The following PCDH11X variants were observed in gnomAD, a reference collection of about 807,000 sequenced individuals.
PCDH11X encodes the protein protocadherin-11 X-linked.
A neutral mutation model predicts 53.3 loss-of-function variants in PCDH11X; 18 were observed. The ratio of observed to expected loss-of-function variants is 0.34; its 90% CI spans 0.23 to 0.50. The LOEUF (loss-of-function observed/expected upper bound fraction) is 0.50, where lower values mean the gene tolerates loss of function less well. PCDH11X is among the 20% of genes least tolerant of loss of function. The pLI, the probability that PCDH11X is intolerant of heterozygous loss-of-function variation, is 0.98. For synonymous variants in PCDH11X, 279 were observed against 393.3 expected (o/e 0.71, Z 3.44); for missense variants, 570 against 1,032.4 (o/e 0.55, Z 6.14).
chrX:92,258,841 G>C (rs917325082), intron 7 of PCDH11X, among the ~76,000 whole-genome samples: 1 of 111,775 alleles, frequency 8.9e-6, no homozygotes, highest in Non-Finnish European at 1.9e-5. Flanking sequence ...AAGAGCATAG[G>C]CTGTTAGAAG....
intron 6 of PCDH11X, among the ~76,000 whole-genome samples, chrX:92,140,916 T>C (rs970952466): frequency 5.4e-5 from 6 of 111,839 alleles, no homozygotes; most frequent in Admixed American, 9.6e-5. Flanking sequence ...TAGTTACAGA[T>C]AAAAGTTGAC....
intron 7 of PCDH11X, among the ~76,000 whole-genome samples, chrX:92,253,860 A>G (rs1245675932): frequency 8.9e-6 from 1 of 111,936 alleles, no homozygotes; most frequent in Non-Finnish European, 1.9e-5. Context: ...TTTTCCATAT[A>G]TAAGAACATA....
chrX:92,391,727 C>A (rs987874728), intron 9 of PCDH11X, among the ~76,000 whole-genome samples: 1 of 110,987 alleles, frequency 9.0e-6, no homozygotes. Context: ...ATAGAGAATG[C>A]ATTGCTGCTA....
intron 6 of PCDH11X, among the ~76,000 whole-genome samples, chrX:91,918,912 T>C (rs1941657867): frequency 9.0e-6 from 1 of 111,442 alleles, no homozygotes; most frequent in Non-Finnish European, 1.9e-5. Context: ...TAGGATGGTG[T>C]AGACTTAAGA....
intron 6 of PCDH11X, among the ~76,000 whole-genome samples, chrX:92,093,246 C>T (rs34268907): frequency 1.8e-5 from 2 of 111,214 alleles, no homozygotes; most frequent in African/African-American, 6.5e-5. Context: ...TATTGTGTGG[C>T]GAGAGGGTAC....
intron 7 of PCDH11X, among the ~76,000 whole-genome samples, chrX:92,261,676 A>T (rs1214497225): frequency 7.1e-5 from 8 of 112,352 alleles, no homozygotes; most frequent in Admixed American, 2.8e-4. Context: ...CAGAAAATTA[A>T]TTTTTTAATG....
chrX:92,039,200 C>A (rs2063173756), intron 6 of PCDH11X, among the ~76,000 whole-genome samples: 1 of 110,500 alleles, frequency 9.0e-6, no homozygotes, highest in Non-Finnish European at 1.9e-5. Context: ...CCAAGGCCCA[C>A]TGTAACCACT....
intron 6 of PCDH11X, among the ~76,000 whole-genome samples, chrX:92,105,715 G>A (rs2064369718): frequency 9.1e-6 from 1 of 109,352 alleles, no homozygotes; most frequent in East Asian, 2.9e-4. Flanking sequence ...GGATGAGCCA[G>A]GAAAAGGACT....
chrX:92,066,564 G>C (rs1015826537), intron 6 of PCDH11X, among the ~76,000 whole-genome samples: 1 of 110,425 alleles, frequency 9.1e-6, no homozygotes, highest in African/African-American at 3.3e-5. Flanking sequence ...CTTTGGATAA[G>C]TTAATTCCTA....
intron 8 of PCDH11X, among the ~76,000 whole-genome samples, chrX:92,311,444 C>A (rs1300092801): frequency 9.1e-6 from 1 of 110,192 alleles, no homozygotes; most frequent in East Asian, 2.9e-4. Flanking sequence ...ATATTTAGTT[C>A]TTCAAATAAA....
rs942038785 is a variant in PCDH11X at position 92,036,384 on chromosome X, G to A, written c.3033+157111G>A. On this transcript the variant is annotated intron_variant, in intron 6 of 10. Coordinates refer to ENST00000682573, the MANE Select transcript of PCDH11X (RefSeq NM_032968.5). ...AATTGCCACTTGTCATGGGAGGAAC[G>A]CGGTGGGAGGTGATTGAATTATGGG... is the stretch of plus-strand genomic sequence containing the variant. 9.2e-5 allele frequency among the ~76,000 whole-genome samples: 10 copies of A among 108,268 alleles called. No individual in the cohort carries two copies. In the South Asian group the frequency reaches 2.5e-3, roughly 27 times the overall value. 94.0% of individuals were successfully genotyped at this position (108,268 alleles called of 115,157 possible).
intron 6 of PCDH11X, among the ~76,000 whole-genome samples, chrX:92,039,536 G>C (rs1432600049): frequency 9.1e-6 from 1 of 110,425 alleles, no homozygotes. Context: ...CACTGCTAAT[G>C]TTCACTTAAA....
At chrX:92,236,580 C>A (rs1184631248) in intron 7 of PCDH11X, among the ~76,000 whole-genome samples, 1 of 110,823 alleles carries the variant, frequency 9.0e-6, no homozygotes, top group Non-Finnish European at 1.9e-5. Flanking sequence ...AAAGAAGAAA[C>A]ACATGTTTTT....
intron 9 of PCDH11X, among the ~76,000 whole-genome samples, chrX:92,420,208 T>G (rs1035368598): frequency 2.7e-5 from 3 of 111,983 alleles, no homozygotes; most frequent in African/African-American, 9.7e-5. Context: ...AACCTTTTTG[T>G]TATAGTTGTC....
intron 6 of PCDH11X, among the ~76,000 whole-genome samples, chrX:92,081,992 C>G (rs1409663919): frequency 9.0e-6 from 1 of 110,591 alleles, no homozygotes; most frequent in Non-Finnish European, 1.9e-5. Context: ...ATCTTTACAA[C>G]AATACTCTGG....
At chrX:92,320,838 TA>T (rs2069184385) in intron 8 of PCDH11X, among the ~76,000 whole-genome samples, 1 of 111,260 alleles carries the variant, frequency 9.0e-6, no homozygotes, top group Non-Finnish European at 1.9e-5. Flanking sequence ...ACAGATTGGC[TA>T]AACATACATA....
intron 9 of PCDH11X, among the ~76,000 whole-genome samples, chrX:92,391,601 A>G (rs980918555): frequency 9.0e-6 from 1 of 111,440 alleles, no homozygotes; most frequent in Non-Finnish European, 1.9e-5. Context: ...TGTTTTTATG[A>G]TTCAGACTGA....
intron 6 of PCDH11X, among the ~76,000 whole-genome samples, chrX:92,073,842 C>A (rs1478712248): frequency 9.0e-6 from 1 of 111,238 alleles, no homozygotes; most frequent in African/African-American, 3.3e-5. Flanking sequence ...TACTGGGAGG[C>A]CGTACCCATT....
intron 7 of PCDH11X, among the ~76,000 whole-genome samples, chrX:92,242,028 C>T (rs57125346): frequency 0.074 from 8,055 of 108,378 alleles, 651 homozygotes; most frequent in African/African-American, 0.23. Flanking sequence ...ACCCGGGAGG[C>T]AGAAGCTGCA....
Sources: allele counts gnomAD v4.1 joint callset (sites outside exome capture counted in the v4.1 genomes callset), GRCh38; gene constraint gnomAD v4.1.1; transcripts MANE v1.5; gene names NCBI Gene and HGNC (gene_info 2026-07-23, HGNC 2026-07-21).